The following IRAG1 variants were observed in gnomAD, a reference collection of about 807,000 sequenced individuals.
The protein encoded by IRAG1 is inositol 1,4,5-triphosphate receptor associated 1, also known as IP3R-associated cGMP kinase substrate.
Under a neutral mutation model 106.2 loss-of-function variants are expected in IRAG1, and 62 were observed. That is an observed-to-expected ratio of 0.58 (90% CI 0.48 to 0.72). The LOEUF (loss-of-function observed/expected upper bound fraction) is 0.72. IRAG1 is among the 30% of genes least tolerant of loss of function. The probability of loss-of-function intolerance (pLI) is 0.00; values close to 1 mark genes in which losing one functional copy is unlikely to be tolerated. For missense variants in IRAG1, 1,064 were observed against 1,140.7 expected (o/e 0.93, Z 0.97); for synonymous variants, 462 against 443.9 (o/e 1.04, Z -0.51).
chr11:10,636,927 A>C (rs73413826), intron 2 of IRAG1, among the ~76,000 whole-genome samples: 1 of 152,192 alleles, frequency 6.6e-6, no homozygotes, highest in African/African-American at 2.4e-5. Context: ...TGCATGGACT[A>C]TGACATGTGA....
In IRAG1 at chr11:10,659,959, G is replaced by A. The variant is rs576857559; in HGVS notation, c.68-7777C>T. On this transcript the variant is annotated intron_variant, in intron 1 of 20. Transcript: ENST00000423302. This position sits in a 1 kb window ranked among gnomAD's most constrained non-coding sequence, Gnocchi z 4.1. ...GGTCAAGGACCACACGGCATTCTGG[G>A]TCTGTGAGATCCCATAAAGGGCAGG... is the stretch of plus-strand genomic sequence containing the variant. Among the ~76,000 whole-genome samples, 49 of 152,264 alleles carry A rather than the reference G, an allele frequency of 3.2e-4. No individual in the cohort carries two copies. The highest frequency in any genetic ancestry group is 5.3e-4 in the Non-Finnish European group (36 of 68,022).
At chr11:10,622,531 CT>C (rs1445263514) in intron 10 of IRAG1, among the ~76,000 whole-genome samples, 1 of 152,144 alleles carries the variant, frequency 6.6e-6, no homozygotes, top group African/African-American at 2.4e-5. Flanking sequence ...GGATCTCACT[CT>C]GTACCCCAGA....
chr11:10,631,962 A>G, intron 4 of IRAG1, 29 bp downstream of exon 4: 1 of 1,603,470 alleles, frequency 6.2e-7, no homozygotes, highest in South Asian at 1.1e-5. Context: ...CTTTCTACTC[A>G]ACATGCCTTA....
intron 18 of IRAG1, among the ~76,000 whole-genome samples, chr11:10,585,678 G>T (rs1039097123): frequency 2.6e-5 from 4 of 151,574 alleles, no homozygotes; most frequent in African/African-American, 9.7e-5. Context: ...CATACAACCA[G>T]TGTGTGGTAG....
chr11:10,596,001 C>T (rs144374632), intron 15 of IRAG1, among the ~76,000 whole-genome samples: 91 of 152,334 alleles, frequency 6.0e-4, no homozygotes, highest in Middle Eastern at 3.4e-3. Flanking sequence ...TCCAGCCCCA[C>T]GCATGTTCCT....
chr11:10,573,484 A>C lies in IRAG1; in HGVS notation c.*2848T>G, dbSNP rs1850684196. The C allele has an allele frequency of 6.6e-6, 1 of 152,378 alleles. No homozygotes were observed. Among genetic ancestry groups the C allele is most frequent in the Non-Finnish European group, 1.5e-5 (1 of 68,214 alleles). 9.4% of individuals were successfully genotyped at this position (152,378 alleles called of 1,614,324 possible). A position where few individuals can be genotyped will look rare whatever the true frequency, so the allele number is the denominator to read the frequency against. ...CACTACCGCTTGGGCAGCAGCTCCCACTGCTTCAGGCTGGTCTTTGCTTTC... is the reference window on the plus strand; with the variant it reads ...CACTACCGCTTGGGCAGCAGCTCCCCCTGCTTCAGGCTGGTCTTTGCTTTC... On this transcript the variant is annotated 3_prime_UTR_variant, in exon 21 of 21. Transcript: ENST00000423302.
At chr11:10,680,368 A>AGAAGGAAGGAAG (rs1554935659) in intron 1 of IRAG1, among the ~76,000 whole-genome samples, 15 of 80,958 alleles carry the variant, frequency 1.9e-4, no homozygotes, top group African/African-American at 5.5e-4. Flanking sequence ...AAAGAAAGAA[A>AGAAGGAAGGAAG]GAAGGAAGGA....
At chr11:10,677,908 A>C (rs1380994833) in intron 1 of IRAG1, among the ~76,000 whole-genome samples, 1 of 152,182 alleles carries the variant, frequency 6.6e-6, no homozygotes, top group Non-Finnish European at 1.5e-5. Context: ...AGCTTCTTTC[A>C]CTTAGATAAT....
rs1222594578 is a variant in IRAG1, at chr11:10,573,424, C to T, written c.*2908G>A. The T allele has an allele frequency of 6.6e-6, 1 of 152,270 alleles. No individual in the cohort carries two copies. The highest frequency in any genetic ancestry group is 1.5e-5 in the Non-Finnish European group (1 of 68,098). The allele number at this position is 152,270 out of a possible 1,614,324, so 9.4% of individuals were successfully genotyped here. On this transcript the variant is annotated 3_prime_UTR_variant, in exon 21 of 21. Coordinates refer to ENST00000423302, the MANE Select transcript of IRAG1 (RefSeq NM_130385.4). ...TTGGGGGACTCTTCAGATCCACATC[C>T]TCACTGAAAATCCAGGGCCTGTTTC... is the stretch of plus-strand genomic sequence containing the variant.
intron 1 of IRAG1, among the ~76,000 whole-genome samples, chr11:10,685,717 G>A (rs1409072595): frequency 8.3e-6 from 1 of 120,680 alleles, no homozygotes; most frequent in Non-Finnish European, 1.7e-5. Flanking sequence ...GTGAGACCCT[G>A]CCTCTCTTGA....
At position 10,581,936 on chromosome 11, in the gene IRAG1, G is replaced by A. The variant is rs147475878; in HGVS notation, c.2291C>T (p.Thr764Ile). 3,096 of 1,613,930 alleles carry A rather than the reference G, an allele frequency of 1.9e-3. 4 individuals carry two copies. Among genetic ancestry groups the A allele is most frequent in the Admixed American group, 2.9e-3 (172 of 60,024 alleles). The stretch of plus-strand genomic sequence containing the variant: ...ACTAAGCTCCTCCAGGCAGCTCAGG[G>A]TCAGCGCAGGAGCAGAGGCTTCACA... ...PDCEASAPAL[T>I]LSCLEELSQE... The change falls in exon 19 of 21, where the codon ACC becomes ATC. Residue 764 changes from threonine (T) to isoleucine (I), a missense_variant. Thr to Ile is a moderately conservative substitution (Grantham distance 89, BLOSUM62 -1). Coordinates refer to ENST00000423302, the MANE Select transcript of IRAG1 (RefSeq NM_130385.4).
chr11:10,658,947 C>G (rs1420792146), intron 1 of IRAG1, among the ~76,000 whole-genome samples: 1 of 148,610 alleles, frequency 6.7e-6, no homozygotes, highest in East Asian at 2.0e-4. Flanking sequence ...AGTCCCAGGT[C>G]TGTGCTATGG....
At chr11:10,640,189 T>G (rs1046344085) in intron 2 of IRAG1, among the ~76,000 whole-genome samples, 2 of 152,184 alleles carry the variant, frequency 1.3e-5, no homozygotes, top group African/African-American at 4.8e-5. Context: ...AATGGTTACC[T>G]GAAGCAAAGC....
chr11:10,618,160 C>T (rs1325932399), intron 10 of IRAG1, among the ~76,000 whole-genome samples: 1 of 152,112 alleles, frequency 6.6e-6, no homozygotes, highest in Non-Finnish European at 1.5e-5. Context: ...TGAAGTATGC[C>T]AAGCACTAGA....
intron 1 of IRAG1, among the ~76,000 whole-genome samples, chr11:10,684,289 G>A (rs1308947631): frequency 6.6e-6 from 1 of 152,134 alleles, no homozygotes; most frequent in Non-Finnish European, 1.5e-5. Context: ...AAAAAATGAT[G>A]AGTTCATGTC....
At position 10,647,654 on chromosome 11, in the gene IRAG1, A is replaced by G. The variant is rs1858074061; in HGVS notation, c.225+4371T>C. On this transcript the variant is annotated intron_variant, in intron 2 of 20. Transcript: ENST00000423302. The surrounding 1 kb of genome is among the most constrained non-coding windows in gnomAD (Gnocchi z 4.3). ...GCCTCTTTGTACCCTCAGGTTTACA[A>G]GGCACTTCAGAGGATGCTGCACTGT... Among the ~76,000 whole-genome samples the G allele has an allele frequency of 6.6e-6, 1 of 152,148 alleles. No homozygotes were observed. Among genetic ancestry groups the G allele is most frequent in the Non-Finnish European group, 1.5e-5 (1 of 68,034 alleles).
intron 1 of IRAG1, among the ~76,000 whole-genome samples, chr11:10,658,064 G>A (rs1859065428): frequency 6.6e-6 from 1 of 152,230 alleles, no homozygotes; most frequent in South Asian, 2.1e-4. Flanking sequence ...ACTCGTCATT[G>A]TTCTTGCTCT....
chr11:10,592,259 C>A (rs1342558555), intron 17 of IRAG1, among the ~76,000 whole-genome samples: 4 of 152,062 alleles, frequency 2.6e-5, no homozygotes, highest in Non-Finnish European at 4.4e-5. Context: ...TTTAAAAGTA[C>A]CCTGTGTGGT....
At position 10,626,422 on chromosome 11, in the gene IRAG1, T is replaced by C; in HGVS notation, c.912A>G (p.Lys304=). 6.2e-7 allele frequency: 1 copy of C among 1,613,924 alleles called. No individual in the cohort carries two copies. Among genetic ancestry groups the C allele is most frequent in the Admixed American group, 1.7e-5 (1 of 60,004 alleles). The stretch of plus-strand genomic sequence containing the variant: ...TGCTGTTTGTAACAGGAGCTAGGCC[T>C]TTGGGTGTGGTCTCGGGGTACTGGA... ...DPLQYPETTP[K]GLAPVTNSSG... Residue 304 remains lysine (K), a synonymous_variant, in exon 9 of 21, where the codon AAA becomes AAG. Coordinates refer to ENST00000423302, the MANE Select transcript of IRAG1 (RefSeq NM_130385.4).
Sources: allele counts gnomAD v4.1 joint callset (sites outside exome capture counted in the v4.1 genomes callset), GRCh38; gene constraint gnomAD v4.1.1; non-coding constraint Gnocchi (gnomAD v3.1); transcripts MANE v1.5; gene names NCBI Gene and HGNC (gene_info 2026-07-23, HGNC 2026-07-21).